ZFYVE16: variants seen among roughly 807,000 people sequenced by gnomAD.
ZFYVE16 encodes the protein zinc finger FYVE domain-containing protein 16.
In ZFYVE16, 89 loss-of-function variants were observed where a neutral mutation model predicts 138.1. The ratio of observed to expected loss-of-function variants is 0.64; its 90% CI spans 0.54 to 0.77. The LOEUF (loss-of-function observed/expected upper bound fraction) is 0.77. Ranked by LOEUF, ZFYVE16 falls within the 30% of genes least tolerant of loss-of-function variation. The pLI is 0.00. For missense variants in ZFYVE16, 1,793 were observed against 1,786.7 expected, an observed-to-expected ratio of 1.00 and a Z score of -0.06; for synonymous variants, 596 against 618.3, an observed-to-expected ratio of 0.96 and a Z score of 0.53.
intron 6 of ZFYVE16, among the ~76,000 whole-genome samples, chr5:80,444,913 C>T (rs987577294): frequency 6.6e-6 from 1 of 152,058 alleles, no homozygotes; most frequent in Non-Finnish European, 1.5e-5. Context: ...ATCGTCCTTC[C>T]CTGTTGTCTT....
chr5:80,470,998 C>T (rs1580363846), intron 15 of ZFYVE16, among the ~76,000 whole-genome samples: 1 of 152,340 alleles, frequency 6.6e-6, no homozygotes, highest in East Asian at 1.9e-4. Flanking sequence ...GTGCTTCCCC[C>T]TGCAGAGAGC....
At chr5:80,460,607 T>C (rs1274157521) in intron 15 of ZFYVE16, among the ~76,000 whole-genome samples, 3 of 152,168 alleles carry the variant, frequency 2.0e-5, no homozygotes, top group Non-Finnish European at 4.4e-5. Flanking sequence ...ATCCAGTGAC[T>C]TTTTTTGTCA....
chr5:80,473,919 AGAT>A, intron 17 of ZFYVE16, 60 bp downstream of exon 17: 1 of 1,299,624 alleles, frequency 7.7e-7, no homozygotes, highest in East Asian at 2.3e-5. Context: ...TGTTCTTTGG[AGAT>A]TGTGCATACT....
chr5:80,440,471 A>T, intron 5 of ZFYVE16: 2 of 985,598 alleles, frequency 2.0e-6, no homozygotes, highest in Non-Finnish European at 2.4e-6. Flanking sequence ...AGAGTAGAAG[A>T]TAAGGTGGTA....
rs1314892963 is a variant in ZFYVE16 at position 80,474,196 on chromosome 5, T to C, written c.4293+337T>C. ...TTAATTTATAATCAGCATTCACATA[T>C]GAAAGTTACTTTTTCATGTTTTAGT... On this transcript the variant is annotated intron_variant, in intron 17 of 18. Coordinates refer to ENST00000505560, the MANE Select transcript of ZFYVE16 (RefSeq NM_001284236.3). Among the ~76,000 whole-genome samples, 4 of 152,220 alleles carry C rather than the reference T, an allele frequency of 2.6e-5. No individual in the cohort carries two copies. The East Asian group carries it at 7.7e-4, about 29-fold the overall frequency.
At chr5:80,412,053 G>A (rs1470483942) in intron 1 of ZFYVE16, among the ~76,000 whole-genome samples, 1 of 152,164 alleles carries the variant, frequency 6.6e-6, no homozygotes, top group Non-Finnish European at 1.5e-5. Context: ...CTCAGGCTCT[G>A]GAGTAGCTGA....
intron 2 of ZFYVE16, among the ~76,000 whole-genome samples, chr5:80,430,714 A>G (rs902109921): frequency 9.9e-5 from 15 of 152,214 alleles, no homozygotes; most frequent in African/African-American, 3.4e-4. Context: ...AGAACAAAAG[A>G]GAGAAGAATC....
chr5:80,428,322 C>T (rs771936159), intron 2 of ZFYVE16, among the ~76,000 whole-genome samples: 26 of 152,152 alleles, frequency 1.7e-4, no homozygotes, highest in Admixed American at 3.3e-4. Flanking sequence ...CTGCAGCCTC[C>T]GCTGCTGAAA....
At chr5:80,428,072 G>A (rs543698076) in intron 2 of ZFYVE16, among the ~76,000 whole-genome samples, 14 of 151,620 alleles carry the variant, frequency 9.2e-5, no homozygotes, top group African/African-American at 3.1e-4. Flanking sequence ...GAAGACGGGT[G>A]ATTTCTGCAT....
At chr5:80,465,919 T>C (rs1409339869) in intron 15 of ZFYVE16, among the ~76,000 whole-genome samples, 1 of 152,010 alleles carries the variant, frequency 6.6e-6, no homozygotes, top group Non-Finnish European at 1.5e-5. Context: ...ATTATGCATA[T>C]ATTGGTATTC....
intron 1 of ZFYVE16, among the ~76,000 whole-genome samples, chr5:80,420,681 A>C (rs1391192472): frequency 1.3e-5 from 2 of 152,180 alleles, no homozygotes; most frequent in African/African-American, 4.8e-5. Context: ...ACATTTTCTT[A>C]ATCCAGTCTA....
chr5:80,449,838 C>T lies in ZFYVE16; in HGVS notation c.3226+125C>T, dbSNP rs771266319. 179 of 1,055,202 alleles carry T rather than the reference C, an allele frequency of 1.7e-4. 1 individual carries two copies. Among genetic ancestry groups the T allele is most frequent in the Non-Finnish European group, 2.3e-4 (176 of 756,746 alleles). 65.4% of individuals were successfully genotyped at this position (1,055,202 alleles called of 1,614,324 possible). On this transcript the variant is annotated intron_variant, in intron 9 of 18. Transcript: ENST00000505560. ...GCAGGATTGGATATTGGTTTTTCAG[C>T]CACATATGACTGTAAATAAATTTTG...
intron 11 of ZFYVE16, chr5:80,452,070 A>T: frequency 5.8e-6 from 1 of 171,570 alleles, no homozygotes; most frequent in South Asian, 1.5e-4. Flanking sequence ...AGTACATACC[A>T]GTTGAGCATC....
chr5:80,458,957 A>G (rs886426006), intron 14 of ZFYVE16, among the ~76,000 whole-genome samples: 1 of 152,112 alleles, frequency 6.6e-6, no homozygotes, highest in Non-Finnish European at 1.5e-5. Context: ...TTGAGACAGA[A>G]TCTCGCTCTG....
rs749183749 is a variant in ZFYVE16, at chr5:80,437,509, T to C, written c.824T>C (p.Val275Ala). The stretch of plus-strand genomic sequence containing the variant: ...CAGCCATGTGGATTACTAAAAGATG[T>C]TGGCTTAGTAAAAGAGGAAGTAGAT... Reference protein sequence around the residue: ...KSQPCGLLKDVGLVKEEVDVA... With the variant: ...KSQPCGLLKDAGLVKEEVDVA... The change falls in exon 4 of 19, where the codon GTT (valine) becomes GCT (alanine). Residue 275 changes from valine to alanine, a missense_variant. By Grantham distance (64) the Val-to-Ala change is moderately conservative. This residue lies in a region of ZFYVE16 where 1,295 missense variants were observed against 1,204.3 expected (regional missense o/e 1.08). Coordinates refer to ENST00000505560, the MANE Select transcript of ZFYVE16 (RefSeq NM_001284236.3). 4 of 1,613,170 alleles carry C rather than the reference T, an allele frequency of 2.5e-6. No homozygotes were observed. The highest frequency in any genetic ancestry group is 1.7e-5 in the Admixed American group (1 of 59,664).
chr5:80,473,074 T>G, intron 16 of ZFYVE16, 151 bp downstream of exon 16: 1 of 825,688 alleles, frequency 1.2e-6, no homozygotes, highest in Admixed American at 3.2e-5. Flanking sequence ...TGCAATCTTT[T>G]TCAAACATGT....
At chr5:80,433,925 G>C (rs1213561918) in intron 2 of ZFYVE16, among the ~76,000 whole-genome samples, 184 bp from the exon 3 acceptor site, 1 of 151,976 alleles carries the variant, frequency 6.6e-6, no homozygotes, top group Non-Finnish European at 1.5e-5. Context: ...TGTTAGAGTT[G>C]GTTTTCATGT....
At chr5:80,416,293 T>C (rs1746232415) in intron 1 of ZFYVE16, among the ~76,000 whole-genome samples, 1 of 141,960 alleles carries the variant, frequency 7.0e-6, no homozygotes, top group Non-Finnish European at 1.5e-5. Context: ...TCTCGCTCTG[T>C]TGCCCAGGCT....
At chr5:80,457,132 C>T (rs1238404891) in intron 14 of ZFYVE16, 40 bp downstream of exon 14, 8 of 1,595,850 alleles carry the variant, frequency 5.0e-6, no homozygotes, top group Non-Finnish European at 6.8e-6. Context: ...ACAAAACCAC[C>T]TCAATTAATA....
Sources: gnomAD v4.1 joint callset for allele counts (sites outside exome capture counted in the v4.1 genomes callset) on GRCh38, gnomAD v4.1.1 for gene constraint, gnomAD v4.1.1 regional missense constraint, MANE v1.5 for transcripts, NCBI Gene and HGNC (gene_info 2026-07-23, HGNC 2026-07-21) for gene names.